TBL1XR1: variants seen among roughly 807,000 people sequenced by gnomAD.
The protein encoded by TBL1XR1 is TBL1X/Y related 1.
Under a neutral mutation model 66.9 loss-of-function variants are expected in TBL1XR1, and 5 were observed. The ratio of observed to expected loss-of-function variants is 0.07; its 90% CI spans 0.04 to 0.16. The LOEUF (loss-of-function observed/expected upper bound fraction) is 0.16, where lower values mean the gene tolerates loss of function less well. TBL1XR1 is among the 10% of genes least tolerant of loss of function. The pLI is 1.00. For synonymous variants in TBL1XR1, 210 were observed against 206.0 expected (o/e 1.02, Z -0.17); for missense variants, 238 against 623.2 (o/e 0.38, Z 6.58).
At chr3:177,198,984 G>A (rs1737268354), upstream of TBL1XR1, among the ~76,000 whole-genome samples, 1 of 151,946 alleles carries the variant, frequency 6.6e-6, no homozygotes, top group South Asian at 2.1e-4. Context: ...TCTTGGCCAA[G>A]GTCAATGTCT....
intron 1 of TBL1XR1, among the ~76,000 whole-genome samples, chr3:177,169,772 A>T (rs1372636719): frequency 6.6e-6 from 1 of 152,360 alleles, no homozygotes; most frequent in African/African-American, 2.4e-5. Flanking sequence ...ATGAAGACCA[A>T]AAGTTAAGGA....
In TBL1XR1 at chr3:177,025,554, T is replaced by C. The variant is rs560885695; in HGVS notation, c.1519-30A>G. ...AAGAAATTAAAATAATCAACCAGTG[T>C]ATTCAGAATTTTATTGTACATTTTA... On this transcript the variant is annotated intron_variant, in intron 15 of 15. Transcript: ENST00000457928. 3.7e-5 allele frequency: 60 copies of C among 1,604,498 alleles called. No individual in the cohort carries two copies. In the South Asian group the frequency reaches 5.6e-4, roughly 15 times the overall value.
chr3:177,147,708 G>C (rs933716348), intron 1 of TBL1XR1, among the ~76,000 whole-genome samples: 9 of 152,112 alleles, frequency 5.9e-5, no homozygotes, highest in East Asian at 1.9e-4. Flanking sequence ...CTCCTAATAA[G>C]GCTTCAGCTT....
intron 1 of TBL1XR1, among the ~76,000 whole-genome samples, chr3:177,153,587 G>A (rs1348473640): frequency 6.6e-6 from 1 of 152,272 alleles, no homozygotes. Context: ...AACATAGACT[G>A]TAAAAAGTAT....
intron 1 of TBL1XR1, among the ~76,000 whole-genome samples, chr3:177,167,391 T>C (rs1051478414): frequency 6.6e-6 from 1 of 152,116 alleles, no homozygotes; most frequent in African/African-American, 2.4e-5. Context: ...TCCTCTCTAT[T>C]ATAAGGCAAG....
At chr3:177,136,484 T>G (rs1377004237) in intron 1 of TBL1XR1, among the ~76,000 whole-genome samples, 5 of 152,322 alleles carry the variant, frequency 3.3e-5, no homozygotes, top group African/African-American at 1.2e-4. Context: ...TTCACCACGT[T>G]GGCCAGACTG....
chr3:177,024,067 AAC>A lies in TBL1XR1; in HGVS notation c.*1429_*1430del, dbSNP rs1232423834. ...CTTTAAGAAAATACTTGATATTATAAACAGAGTAAAAGACATGATATAGTAGT... is the reference window on the plus strand; with the variant it reads ...CTTTAAGAAAATACTTGATATTATAAAGAGTAAAAGACATGATATAGTAGT... On this transcript the variant is annotated 3_prime_UTR_variant, in exon 16 of 16. Coordinates refer to ENST00000457928, the MANE Select transcript of TBL1XR1 (RefSeq NM_024665.7). 1 of 152,238 alleles carries A rather than the reference AAC, an allele frequency of 6.6e-6. No homozygotes were observed. The highest frequency in any genetic ancestry group is 1.5e-5 in the Non-Finnish European group (1 of 67,920). The allele number at this position is 152,238 out of a possible 1,614,324, so 9.4% of individuals were successfully genotyped here. A position where few individuals can be genotyped will look rare whatever the true frequency, so the allele number is the denominator to read the frequency against.
At chr3:177,078,093 T>C (rs764665919) in intron 2 of TBL1XR1, among the ~76,000 whole-genome samples, 32 of 152,310 alleles carry the variant, frequency 2.1e-4, no homozygotes, top group African/African-American at 4.3e-4. Context: ...CCTTTTAATA[T>C]GCATATTTTT....
chr3:177,175,938 T>C (rs1158257897), intron 1 of TBL1XR1, among the ~76,000 whole-genome samples: 1 of 151,098 alleles, frequency 6.6e-6, no homozygotes, highest in Admixed American at 6.6e-5. Flanking sequence ...GCGCCTGTAG[T>C]CCCAGCTACT....
chr3:177,171,411 G>C (rs1012635696), intron 1 of TBL1XR1: 1 of 151,298 alleles, frequency 6.6e-6, no homozygotes, highest in Non-Finnish European at 1.5e-5. Context: ...GAAGTGTGCT[G>C]TTGGCCGGGC....
intron 2 of TBL1XR1, among the ~76,000 whole-genome samples, chr3:177,065,946 T>C (rs765327635): frequency 6.6e-5 from 10 of 152,318 alleles, no homozygotes; most frequent in Non-Finnish European, 1.2e-4. Flanking sequence ...GATTTTTTTT[T>C]CCTAAGCACT....
chr3:177,034,594 G>C (rs1714503146), intron 12 of TBL1XR1, among the ~76,000 whole-genome samples: 1 of 152,016 alleles, frequency 6.6e-6, no homozygotes. Flanking sequence ...GTTGTTCTGA[G>C]ATTAGTTAAC....
At chr3:177,179,583 C>T (rs951786500) in intron 1 of TBL1XR1, among the ~76,000 whole-genome samples, 4 of 152,162 alleles carry the variant, frequency 2.6e-5, no homozygotes, top group African/African-American at 9.7e-5. Context: ...AGGAGTGAAG[C>T]TAAAGGTTGC....
chr3:177,044,699 T>G (rs547622789), intron 10 of TBL1XR1, among the ~76,000 whole-genome samples: 2 of 152,266 alleles, frequency 1.3e-5, no homozygotes, highest in African/African-American at 4.8e-5. Flanking sequence ...AACAAAAGTA[T>G]GGTAAGAAAG....
At chr3:177,067,674 A>C (rs1719341748) in intron 2 of TBL1XR1, among the ~76,000 whole-genome samples, 1 of 152,210 alleles carries the variant, frequency 6.6e-6, no homozygotes, top group African/African-American at 2.4e-5. Context: ...AATTGATCAT[A>C]GTGCTATATT....
chr3:177,198,000 G>C (rs866030179), upstream of TBL1XR1, among the ~76,000 whole-genome samples: 116 of 151,440 alleles, frequency 7.7e-4, no homozygotes, highest in African/African-American at 2.7e-3. Flanking sequence ...CCGCGTGTCC[G>C]GGGGGCGGCC....
In TBL1XR1 at chr3:177,020,132, C is replaced by G. The variant is rs1050520884; in HGVS notation, c.*5366G>C. On this transcript the variant is annotated 3_prime_UTR_variant, in exon 16 of 16. Transcript: ENST00000457928. ...CAACTAGCTAAGAGAGAAAATGATT[C>G]AACTATAATTGGCTTGTTGTGAAGC... is the stretch of plus-strand genomic sequence containing the variant. 7 of 151,182 alleles carry G rather than the reference C, an allele frequency of 4.6e-5. No individual in the cohort carries two copies. The highest frequency in any genetic ancestry group is 1.7e-4 in the African/African-American group (7 of 41,104). The allele number at this position is 151,182 out of a possible 1,614,324, so 9.4% of individuals were successfully genotyped here.
intron 10 of TBL1XR1, 77 bp from the exon 11 acceptor site, chr3:177,038,511 T>C (rs1209195495): frequency 2.1e-5 from 28 of 1,358,138 alleles, no homozygotes; most frequent in Non-Finnish European, 3.8e-6. Context: ...TGAACCATTG[T>C]TGACTAATAA....
At chr3:177,049,835 C>T (rs1716809665) in intron 7 of TBL1XR1, among the ~76,000 whole-genome samples, 162 bp downstream of exon 7, 1 of 152,030 alleles carries the variant, frequency 6.6e-6, no homozygotes. Context: ...GTCTGTGTCC[C>T]ACAGTGGGGG....
Sources: gnomAD v4.1 joint callset for allele counts (sites outside exome capture counted in the v4.1 genomes callset) on GRCh38, gnomAD v4.1.1 for gene constraint, MANE v1.5 for transcripts, NCBI Gene and HGNC (gene_info 2026-07-23, HGNC 2026-07-21) for gene names.